Variants in GLUD1 observed in about 807,000 individuals in gnomAD.
GLUD1 encodes glutamate dehydrogenase 1, mitochondrial.
A neutral mutation model predicts 56.0 loss-of-function variants in GLUD1; 22 were observed. The observed-to-expected ratio is 0.39, with a 90% CI of 0.28 to 0.56. The LOEUF is 0.56. Among genes scored for constraint, GLUD1 ranks in the 20% least tolerant of loss-of-function variants. GLUD1 has a pLI of 0.58. For synonymous variants in GLUD1, 223 were observed against 269.9 expected, an observed-to-expected ratio of 0.83 and a Z score of 1.70; for missense variants, 451 against 732.0, an observed-to-expected ratio of 0.62 and a Z score of 4.43.
chr10:87,067,522 A>T (rs1846111211), intron 5 of GLUD1, among the ~76,000 whole-genome samples: 1 of 152,230 alleles, frequency 6.6e-6, no homozygotes, highest in Non-Finnish European at 1.5e-5. Flanking sequence ...CACTGCATCC[A>T]GCCCTCACTC....
At position 87,058,553 on chromosome 10, in the gene GLUD1, G is replaced by C. The variant is rs183992238; in HGVS notation, c.1402+597C>G. Among the ~76,000 whole-genome samples the C allele has an allele frequency of 2.6e-5, 4 of 152,268 alleles. No homozygotes were observed. The East Asian group carries it at 7.7e-4, about 29-fold the overall frequency. ...GATAGGCCTTTACTAAGAGCAACCA[G>C]AGACAGAAATTAGTATCGACAGTGG... On this transcript the variant is annotated intron_variant, in intron 10 of 12. Coordinates refer to ENST00000277865, the MANE Select transcript of GLUD1 (RefSeq NM_005271.5).
chr10:87,059,699 G>C (rs545104068), intron 9 of GLUD1, among the ~76,000 whole-genome samples: 1 of 152,304 alleles, frequency 6.6e-6, no homozygotes, highest in Non-Finnish European at 1.5e-5. Flanking sequence ...TTTCAGCAAA[G>C]GGGGTTCTTT....
At chr10:87,081,055 C>G (rs71503861) in intron 1 of GLUD1, among the ~76,000 whole-genome samples, 2 of 126,186 alleles carry the variant, frequency 1.6e-5, no homozygotes, top group African/African-American at 3.1e-5. Context: ...CCGCCCCGTC[C>G]GGGAGGGAGG....
chr10:87,053,526 A>G lies in GLUD1; in HGVS notation c.1495-122T>C, dbSNP rs184526786. The G allele has an allele frequency of 2.5e-4, 180 of 722,346 alleles. 1 individual carries two copies. The East Asian group carries it at 4.0e-3, about 16-fold the overall frequency. 44.7% of individuals were successfully genotyped at this position (722,346 alleles called of 1,614,324 possible). ...AGACAGAATTTTTTGTCTTTTAGCT[A>G]AGATATGTCATTTCTGCACAGTATC... On this transcript the variant is annotated intron_variant, in intron 11 of 12. Coordinates refer to ENST00000277865, the MANE Select transcript of GLUD1 (RefSeq NM_005271.5).
chr10:87,092,646 G>T, intron 1 of GLUD1: 2 of 975,038 alleles, frequency 2.1e-6, no homozygotes, highest in Non-Finnish European at 2.4e-6. Context: ...ACAGGAGAGA[G>T]CTGGGCATCT....
rs1192086203 is a variant in GLUD1, at chr10:87,070,768, G to T, written c.647-2611C>A. Among the ~76,000 whole-genome samples the T allele has an allele frequency of 5.9e-5, 9 of 152,026 alleles. No homozygotes were observed. The East Asian group carries it at 1.3e-3, about 23-fold the overall frequency. On this transcript the variant is annotated intron_variant, in intron 4 of 12. Coordinates refer to ENST00000277865, the MANE Select transcript of GLUD1 (RefSeq NM_005271.5). ...CTGCCATCCAAAACAAAATCACAAG[G>T]TATTAGTTATTAGGCTTATGAGTTT...
Position 87,094,180 on chromosome 10 carries a change from C to T in GLUD1, c.445+145G>A. Reference sequence around the variant, plus strand: ...TCACCATCCACAGAGCCGGCCACATCCGAGGCGGGGTGACCCGGGCGGGGA... The same window carrying T: ...TCACCATCCACAGAGCCGGCCACATTCGAGGCGGGGTGACCCGGGCGGGGA... On this transcript the variant is annotated intron_variant, in intron 1 of 12. Transcript: ENST00000277865. The surrounding 1 kb of genome is among the most constrained non-coding windows in gnomAD (Gnocchi z 6.6). 1 of 1,393,006 alleles carries T rather than the reference C, an allele frequency of 7.2e-7. No homozygotes were observed. The highest frequency in any genetic ancestry group is 9.5e-7 in the Non-Finnish European group (1 of 1,049,612). The allele number at this position is 1,393,006 out of a possible 1,614,324, so 86.3% of individuals were successfully genotyped here.
chr10:87,094,728 G>C lies in GLUD1; in HGVS notation c.42C>G (p.Ala14=), dbSNP rs1217328744. The C allele has an allele frequency of 3.3e-6, 5 of 1,518,072 alleles. No homozygotes were observed. Among genetic ancestry groups the C allele is most frequent in the Non-Finnish European group, 4.4e-6 (5 of 1,132,040 alleles). The allele number at this position is 1,518,072 out of a possible 1,614,324, so 94.0% of individuals were successfully genotyped here. Residue 14 remains alanine, a synonymous_variant, in exon 1 of 13, where the codon GCC becomes GCG. Coordinates refer to ENST00000277865, the MANE Select transcript of GLUD1 (RefSeq NM_005271.5). The surrounding 1 kb of genome is among the most constrained non-coding windows in gnomAD (Gnocchi z 6.6). ...YLGEALLLSR[A]GPAALGSASA... ...ACGCCGAGCCCAGGGCAGCGGGCCC[G>C]GCCCGGGACAGCAACAGCGCTTCGC...
chr10:87,070,366 C>T (rs534974661), intron 4 of GLUD1, among the ~76,000 whole-genome samples: 22 of 152,184 alleles, frequency 1.4e-4, no homozygotes, highest in African/African-American at 5.1e-4. Context: ...TTTGGGAGGC[C>T]GAGGTGGGCT....
chr10:87,075,162 G>A (rs1208355333), intron 3 of GLUD1, among the ~76,000 whole-genome samples: 1 of 152,160 alleles, frequency 6.6e-6, no homozygotes, highest in Admixed American at 6.5e-5. Context: ...CTGGAATGCA[G>A]TGGTGAAATC....
chr10:87,074,701 G>T, intron 3 of GLUD1, 87 bp from the exon 4 acceptor site: 1 of 805,900 alleles, frequency 1.2e-6, no homozygotes, highest in Non-Finnish European at 2.2e-6. Flanking sequence ...TCTATTTATA[G>T]TACATTTTCA....
chr10:87,053,890 C>T (rs1047489268), intron 11 of GLUD1, among the ~76,000 whole-genome samples: 5 of 152,164 alleles, frequency 3.3e-5, no homozygotes, highest in African/African-American at 1.2e-4. Context: ...GTAGTGCCAG[C>T]AACTTTTAAA....
chr10:87,053,301 C>A, intron 12 of GLUD1, 41 bp downstream of exon 12: 1 of 1,383,504 alleles, frequency 7.2e-7, no homozygotes, highest in Non-Finnish European at 1.0e-6. Context: ...AGTTGCACTT[C>A]ATGTGACTAG....
In GLUD1 at chr10:87,087,626, A is replaced by G. The variant is rs375350507; in HGVS notation, c.445+6699T>C. On this transcript the variant is annotated intron_variant, in intron 1 of 12. Transcript: ENST00000277865. The stretch of plus-strand genomic sequence containing the variant: ...GGAACCAGGCAAAGAGACCAAATAT[A>G]TTTACTGTCACAAGCCCTTATTTCT... Among the ~76,000 whole-genome samples the G allele has an allele frequency of 2.6e-5, 4 of 152,280 alleles. No individual in the cohort carries two copies. In the East Asian group the frequency reaches 7.7e-4, roughly 29 times the overall value.
chr10:87,068,901 A>C (rs1846147115), intron 4 of GLUD1, among the ~76,000 whole-genome samples: 1 of 151,480 alleles, frequency 6.6e-6, no homozygotes, highest in African/African-American at 2.4e-5. Flanking sequence ...CAAATCTGTA[A>C]AGGTGCAGAA....
At chr10:87,090,437 T>C (rs1202098282) in intron 1 of GLUD1, among the ~76,000 whole-genome samples, 2 of 152,194 alleles carry the variant, frequency 1.3e-5, no homozygotes, top group Admixed American at 1.3e-4. Flanking sequence ...GGGGCTTTAC[T>C]GCCAAAAGCA....
intron 5 of GLUD1, among the ~76,000 whole-genome samples, chr10:87,063,067 TTG>T (rs67900135): frequency 0.17 from 20,026 of 118,702 alleles, 1,730 homozygotes; most frequent in East Asian, 0.58. Flanking sequence ...GTTTTTTTTT[TTG>T]TTTGTTTGTT....
At chr10:87,067,310 C>T (rs1256052928) in intron 5 of GLUD1, among the ~76,000 whole-genome samples, 2 of 152,214 alleles carry the variant, frequency 1.3e-5, no homozygotes, top group Non-Finnish European at 2.9e-5. Flanking sequence ...GCAACCACAG[C>T]TCACTGCAGC....
chr10:87,054,946 G>A (rs927874754), intron 11 of GLUD1, among the ~76,000 whole-genome samples: 7 of 152,320 alleles, frequency 4.6e-5, no homozygotes, highest in East Asian at 1.9e-4. Flanking sequence ...GGGTAGATGC[G>A]GAAGCTCCCA....
Sources: gnomAD v4.1 joint callset for allele counts (sites outside exome capture counted in the v4.1 genomes callset) on GRCh38, gnomAD v4.1.1 for gene constraint, Gnocchi (gnomAD v3.1) non-coding constraint, MANE v1.5 for transcripts, NCBI Gene and HGNC (gene_info 2026-07-23, HGNC 2026-07-21) for gene names.